Variants in RPH3AL observed in about 807,000 individuals in gnomAD.
RPH3AL encodes rab effector Noc2.
In RPH3AL, 38 loss-of-function variants were observed where a neutral mutation model predicts 43.1. The observed-to-expected ratio is 0.88, with a 90% CI of 0.68 to 1.15. RPH3AL has a LOEUF of 1.15. Ranked by LOEUF, RPH3AL falls within the 50% of genes most tolerant of loss-of-function variation. The pLI, the probability that RPH3AL is intolerant of heterozygous loss-of-function variation, is 0.00. For missense variants in RPH3AL, 462 were observed against 423.2 expected (o/e 1.09, Z -0.81); for synonymous variants, 189 against 176.3 (o/e 1.07, Z -0.57).
chr17:328,046 CCTT>C lies in RPH3AL; in HGVS notation c.-36-470_-36-468del, dbSNP rs150878308. 0.023 allele frequency among the ~76,000 whole-genome samples: 3,553 copies of C among 152,192 alleles called. 125 individuals are homozygous for C. Among genetic ancestry groups the C allele is most frequent in the African/African-American group, 0.081 (3,348 of 41,502 alleles). Reference sequence around the variant, plus strand: ...TTCCCAAACCTGGGGACCTGGCTCTCCTTCCCAACAGACTCACACCGATGATCA... The same window carrying C: ...TTCCCAAACCTGGGGACCTGGCTCTCCCCAACAGACTCACACCGATGATCA... On this transcript the variant is annotated intron_variant, in intron 2 of 9. Transcript: ENST00000331302. The surrounding 1 kb of genome is among the most constrained non-coding windows in gnomAD (Gnocchi z 4.2).
At chr17:216,552 G>C (rs1049893829) in intron 8 of RPH3AL, among the ~76,000 whole-genome samples, 1 of 152,048 alleles carries the variant, frequency 6.6e-6, no homozygotes, top group Non-Finnish European at 1.5e-5. Context: ...GTCCTGCTTG[G>C]TCAGAGCTGA....
chr17:291,021 C>T (rs112611103), intron 5 of RPH3AL, among the ~76,000 whole-genome samples: 2 of 151,916 alleles, frequency 1.3e-5, no homozygotes, highest in South Asian at 4.2e-4. Context: ...TCGACCGAAA[C>T]GGGTGAAACT....
Position 333,656 on chromosome 17 carries a change from C to T in RPH3AL, c.-37+103G>A. On this transcript the variant is annotated intron_variant, in intron 2 of 9. Transcript: ENST00000331302. The surrounding 1 kb of genome is among the most constrained non-coding windows in gnomAD (Gnocchi z 4.5). ...TCCAATTTTGCTCGATTATATGCAG[C>T]ACTGAAATGGACATCCTGGCAGATA... 1 of 198,762 alleles carries T rather than the reference C, an allele frequency of 5.0e-6. No individual in the cohort carries two copies. The highest frequency in any genetic ancestry group is 8.7e-5 in the South Asian group (1 of 11,492). The allele number at this position is 198,762 out of a possible 1,614,324, so 12.3% of individuals were successfully genotyped here.
At chr17:252,018 G>A (rs2041916010) in intron 6 of RPH3AL, among the ~76,000 whole-genome samples, 1 of 150,346 alleles carries the variant, frequency 6.7e-6, no homozygotes, top group African/African-American at 2.5e-5. Flanking sequence ...TGTCACCCAG[G>A]ACGGAGTGCA....
intron 5 of RPH3AL, among the ~76,000 whole-genome samples, chr17:316,987 C>CT (rs2044260931): frequency 7.4e-6 from 1 of 135,534 alleles, no homozygotes; most frequent in East Asian, 2.3e-4. Context: ...ACCTGTAGTC[C>CT]CTGTGACCCC....
intron 6 of RPH3AL, among the ~76,000 whole-genome samples, chr17:249,497 G>A (rs549199606): frequency 7.9e-5 from 12 of 151,950 alleles, no homozygotes; most frequent in East Asian, 2.0e-4. Context: ...GGGCACCACC[G>A]CCACCCCCCT....
chr17:292,707 C>T (rs2043075366), intron 5 of RPH3AL, among the ~76,000 whole-genome samples: 1 of 151,886 alleles, frequency 6.6e-6, no homozygotes, highest in Non-Finnish European at 1.5e-5. Flanking sequence ...TAAGGCAAGG[C>T]TGGATCCCTG....
chr17:298,148 A>G (rs959067744), intron 5 of RPH3AL, among the ~76,000 whole-genome samples: 9 of 152,094 alleles, frequency 5.9e-5, no homozygotes, highest in African/African-American at 2.2e-4. Context: ...ACCCAGTGCC[A>G]GGGTCCACCA....
rs1567577097 is a variant in RPH3AL at position 242,919 on chromosome 17, CCCTTCCTCTATTGACTA to C, written c.613+4175_613+4191del. ...ATTGACTACCTTCCTCTATTGATTACCCTTCCTCTATTGACTACCTTCCTCTATTGACTACCTTCCTC... is the reference window on the plus strand; with the variant it reads ...ATTGACTACCTTCCTCTATTGATTACCCTTCCTCTATTGACTACCTTCCTC... On this transcript the variant is annotated intron_variant, in intron 7 of 9. Coordinates refer to ENST00000331302, the MANE Select transcript of RPH3AL (RefSeq NM_006987.4). Among the ~76,000 whole-genome samples, 202 of 58,000 alleles carry C rather than the reference CCCTTCCTCTATTGACTA, an allele frequency of 3.5e-3. 2 individuals are homozygous for C. Among genetic ancestry groups the C allele is most frequent in the African/African-American group, 4.6e-3 (78 of 16,846 alleles). The allele number at this position is 58,000 out of a possible 152,430, so 38.1% of individuals were successfully genotyped here.
rs1197521657 is a variant in RPH3AL, at chr17:230,355, G to A, written c.614-10619C>T. Among the ~76,000 whole-genome samples, 3 of 152,216 alleles carry A rather than the reference G, an allele frequency of 2.0e-5. No homozygotes were observed. In the East Asian group the frequency reaches 5.8e-4, roughly 29 times the overall value. The stretch of plus-strand genomic sequence containing the variant: ...AGGAGCTCCAGATAGAATGAAAGGT[G>A]GATGGACGGAAGAAGAGATCGGCTC... On this transcript the variant is annotated intron_variant, in intron 7 of 9. Coordinates refer to ENST00000331302, the MANE Select transcript of RPH3AL (RefSeq NM_006987.4).
chr17:305,777 C>CA (rs1281747216), intron 5 of RPH3AL, among the ~76,000 whole-genome samples: 1 of 151,590 alleles, frequency 6.6e-6, no homozygotes, highest in African/African-American at 2.4e-5. Flanking sequence ...TCCCTCACAT[C>CA]ACTCACATCG....
intron 2 of RPH3AL, chr17:331,349 C>G: frequency 1.8e-5 from 1 of 56,830 alleles, no homozygotes; most frequent in Non-Finnish European, 3.7e-5. Context: ...AGAGCTGGGG[C>G]CACGGGCAGC....
intron 5 of RPH3AL, among the ~76,000 whole-genome samples, chr17:298,817 C>G (rs573271173): frequency 6.6e-6 from 1 of 152,096 alleles, no homozygotes; most frequent in Non-Finnish European, 1.5e-5. Context: ...ATTCTAACAG[C>G]AACAGCACAC....
At chr17:219,272 C>G (rs1216749125) in intron 8 of RPH3AL, among the ~76,000 whole-genome samples, 1 of 124,532 alleles carries the variant, frequency 8.0e-6, no homozygotes, top group Non-Finnish European at 1.6e-5. Context: ...AATCTGGGCT[C>G]ACATCAACCT....
At chr17:219,331 T>C (rs2151498135) in intron 8 of RPH3AL, among the ~76,000 whole-genome samples, 1 of 146,790 alleles carries the variant, frequency 6.8e-6, no homozygotes, top group Admixed American at 7.0e-5. Context: ...CCCAAGTAGC[T>C]GGGATTACAG....
chr17:252,288 A>G (rs891334443), intron 6 of RPH3AL, among the ~76,000 whole-genome samples: 11 of 151,480 alleles, frequency 7.3e-5, no homozygotes, highest in Non-Finnish European at 1.0e-4. Context: ...CCCTTTTTTT[A>G]TTTTCCTGAA....
intron 4 of RPH3AL, among the ~76,000 whole-genome samples, chr17:319,915 T>C (rs1477325243): frequency 1.3e-3 from 1 of 780 alleles, no homozygotes; most frequent in Non-Finnish European, 2.1e-3. Flanking sequence ...GGGAGGGAGA[T>C]TGAGGGGAGG....
intron 5 of RPH3AL, among the ~76,000 whole-genome samples, chr17:295,254 G>A (rs563284458): frequency 1.3e-5 from 2 of 148,430 alleles, no homozygotes; most frequent in East Asian, 4.2e-4. Context: ...GACAGCAGAG[G>A]GAATGCACAT....
intron 6 of RPH3AL, among the ~76,000 whole-genome samples, chr17:253,808 ACGTGAC>A (rs1567588385): frequency 2.3e-3 from 224 of 96,268 alleles, no homozygotes; most frequent in East Asian, 6.3e-3. Context: ...ATCCCTAGGA[ACGTGAC>A]TACCCTACGT....
Sources: gnomAD v4.1 joint callset for allele counts (sites outside exome capture counted in the v4.1 genomes callset) on GRCh38, gnomAD v4.1.1 for gene constraint, Gnocchi (gnomAD v3.1) non-coding constraint, MANE v1.5 for transcripts, NCBI Gene and HGNC (gene_info 2026-07-23, HGNC 2026-07-21) for gene names.